Variants in OR2L13 observed in about 807,000 individuals in gnomAD.
OR2L13 encodes the protein olfactory receptor 2L13.
A neutral mutation model predicts 15.3 loss-of-function variants in OR2L13; 14 were observed. The ratio of observed to expected loss-of-function variants is 0.91; its 90% CI spans 0.60 to 1.43. OR2L13 has a LOEUF of 1.43. OR2L13 is among the 40% of genes most tolerant of loss of function. OR2L13 has a pLI of 0.00. For synonymous variants in OR2L13, 152 were observed against 142.9 expected, an observed-to-expected ratio of 1.06 and a Z score of -0.45; for missense variants, 367 against 387.9, an observed-to-expected ratio of 0.95 and a Z score of 0.45.
chr1:248,094,388 G>C (rs1399915911), upstream of OR2L13, among the ~76,000 whole-genome samples: 1 of 152,170 alleles, frequency 6.6e-6, no homozygotes, highest in Non-Finnish European at 1.5e-5. Flanking sequence ...AAGAGGTTAA[G>C]AGATGCTACA....
exon 3 of OR2L13, chr1:248,100,168 C>T (rs553614392): frequency 5.9e-5 from 95 of 1,614,022 alleles, no homozygotes; most frequent in African/African-American, 2.5e-4. Context: ...CAGGAATCTC[C>T]GCTCACCAGC....
the OR2L13 span, among the ~76,000 whole-genome samples, chr1:248,011,107 GT>G: frequency 6.6e-6 from 1 of 152,100 alleles, no homozygotes; most frequent in Non-Finnish European, 1.5e-5. Context: ...TTCATTCCAT[GT>G]TTAGTGCTTC....
At chr1:248,017,050 T>G in the OR2L13 span, among the ~76,000 whole-genome samples, 1 of 152,156 alleles carries the variant, frequency 6.6e-6, no homozygotes, top group African/African-American at 2.4e-5. Context: ...CGGGTTGAAG[T>G]TTTGCTTTTC....
At chr1:247,942,463 CT>C in the OR2L13 span, among the ~76,000 whole-genome samples, 1 of 152,098 alleles carries the variant, frequency 6.6e-6, no homozygotes, top group Non-Finnish European at 1.5e-5. Context: ...ACTACATGTT[CT>C]ACTTGCCAAT....
the OR2L13 span, chr1:248,022,350 A>G: frequency 1.9e-5 from 31 of 1,614,030 alleles, no homozygotes; most frequent in Non-Finnish European, 2.5e-5. Flanking sequence ...TCCCATCCGT[A>G]TGAGCAAAAG....
the OR2L13 span, among the ~76,000 whole-genome samples, chr1:248,075,998 T>C: frequency 6.6e-6 from 1 of 152,210 alleles, no homozygotes; most frequent in Non-Finnish European, 1.5e-5. Flanking sequence ...CATTTAAGTC[T>C]TTAATCCATC....
chr1:248,055,199 T>C, the OR2L13 span, among the ~76,000 whole-genome samples: 4 of 152,202 alleles, frequency 2.6e-5, no homozygotes, highest in African/African-American at 9.6e-5. Context: ...GAGATAATCA[T>C]GTAGTTTTTG....
chr1:247,952,831 T>A, the OR2L13 span, among the ~76,000 whole-genome samples: 2 of 152,148 alleles, frequency 1.3e-5, no homozygotes, highest in East Asian at 3.9e-4. Context: ...GCTCTGTGAT[T>A]TTCTCTGACA....
chr1:247,984,795 T>TTATG, the OR2L13 span, among the ~76,000 whole-genome samples: 3 of 152,150 alleles, frequency 2.0e-5, no homozygotes, highest in African/African-American at 7.2e-5. Context: ...CTAAGTACAT[T>TTATG]TATGTTGTTG....
At chr1:248,066,612 C>T in the OR2L13 span, among the ~76,000 whole-genome samples, 1 of 152,226 alleles carries the variant, frequency 6.6e-6, no homozygotes, top group Admixed American at 6.5e-5. Context: ...TATTTTGTCT[C>T]ACTGCCACCA....
chr1:248,092,332 G>A (rs1664614526), upstream of OR2L13, among the ~76,000 whole-genome samples: 1 of 152,068 alleles, frequency 6.6e-6, no homozygotes, highest in South Asian at 2.1e-4. Flanking sequence ...TACTTAATGT[G>A]TATGTACCTA....
the OR2L13 span, among the ~76,000 whole-genome samples, chr1:247,976,411 T>A: frequency 4.6e-5 from 7 of 152,358 alleles, no homozygotes; most frequent in East Asian, 1.3e-3. Context: ...TTATACCTGC[T>A]TAGGCATGTG....
At chr1:248,035,960 GATT>G in the OR2L13 span, among the ~76,000 whole-genome samples, 28 of 151,940 alleles carry the variant, frequency 1.8e-4, 1 homozygote, top group African/African-American at 6.3e-4. Flanking sequence ...GATTTCTTCT[GATT>G]ATTATTACTA....
the OR2L13 span, among the ~76,000 whole-genome samples, chr1:247,957,426 T>A: frequency 1.3e-5 from 2 of 152,106 alleles, no homozygotes; most frequent in South Asian, 2.1e-4. Flanking sequence ...TGTCTCTGCC[T>A]GGCTTTGGTA....
At chr1:247,970,337 A>G in the OR2L13 span, among the ~76,000 whole-genome samples, 122 of 150,628 alleles carry the variant, frequency 8.1e-4, 1 homozygote, top group Non-Finnish European at 1.3e-3. Context: ...TTAAAGTATA[A>G]TAATAATTAA....
the OR2L13 span, among the ~76,000 whole-genome samples, chr1:248,079,572 G>A: frequency 9.5e-4 from 144 of 152,134 alleles, no homozygotes; most frequent in Non-Finnish European, 1.7e-3. Flanking sequence ...TAAGGCTACA[G>A]AAATTAATAT....
the OR2L13 span, among the ~76,000 whole-genome samples, chr1:248,074,105 C>G: frequency 6.6e-6 from 1 of 151,824 alleles, no homozygotes; most frequent in Non-Finnish European, 1.5e-5. Context: ...ATACTTTTCT[C>G]CAGAATAAAT....
the OR2L13 span, among the ~76,000 whole-genome samples, chr1:248,044,999 A>G: frequency 2.5e-4 from 38 of 152,144 alleles, no homozygotes; most frequent in Admixed American, 2.3e-3. Context: ...TGGGCCTGTA[A>G]CAATCCTCCT....
chr1:248,000,109 CTTT>C, the OR2L13 span, among the ~76,000 whole-genome samples: 54 of 123,956 alleles, frequency 4.4e-4, no homozygotes, highest in African/African-American at 1.6e-3. Context: ...CTTTTTCTTT[CTTT>C]TTTTTTTTTT....
Sources: allele counts gnomAD v4.1 joint callset (sites outside exome capture counted in the v4.1 genomes callset), GRCh38; gene constraint gnomAD v4.1.1; transcripts MANE v1.5; gene names NCBI Gene and HGNC (gene_info 2026-07-23, HGNC 2026-07-21).